SYT1: variants seen among roughly 807,000 people sequenced by gnomAD.
SYT1 encodes the protein synaptotagmin-1.
SYT1 carries 8 observed loss-of-function variants against 44.8 expected under a neutral mutation model. The observed-to-expected ratio is 0.18, with a 90% CI of 0.10 to 0.32. The LOEUF is 0.32. Among genes scored for constraint, SYT1 ranks in the 10% least tolerant of loss-of-function variants. The pLI is 1.00. For missense variants in SYT1, 286 were observed against 509.3 expected (o/e 0.56, Z 4.22); for synonymous variants, 154 against 188.8 (o/e 0.82, Z 1.51).
intron 4 of SYT1, among the ~76,000 whole-genome samples, chr12:79,267,584 C>T (rs1224591212): frequency 6.6e-6 from 1 of 152,194 alleles, no homozygotes; most frequent in African/African-American, 2.4e-5. Context: ...TCAAGAAAGA[C>T]ATACTGAAAA....
chr12:79,155,056 A>C (rs1870510154), intron 3 of SYT1, among the ~76,000 whole-genome samples: 1 of 152,198 alleles, frequency 6.6e-6, no homozygotes, highest in South Asian at 2.1e-4. Flanking sequence ...TATTTAGCTA[A>C]ATTTATGAGC....
At chr12:79,311,623 G>A (rs1197010747) in intron 8 of SYT1, among the ~76,000 whole-genome samples, 2 of 139,124 alleles carry the variant, frequency 1.4e-5, no homozygotes, top group Non-Finnish European at 3.1e-5. Flanking sequence ...CAACCCAAAT[G>A]TCCAACAATG....
At chr12:79,413,484 T>G (rs1345855011) in intron 9 of SYT1, among the ~76,000 whole-genome samples, 1 of 152,192 alleles carries the variant, frequency 6.6e-6, no homozygotes, top group Middle Eastern at 3.2e-3. Flanking sequence ...CCTTTAAATA[T>G]CTGATGTTGT....
intron 2 of SYT1, among the ~76,000 whole-genome samples, chr12:79,028,866 A>G (rs1872678115): frequency 6.6e-6 from 1 of 151,330 alleles, no homozygotes; most frequent in Admixed American, 6.6e-5. Context: ...AGAGCAATAG[A>G]ATAGTTGAAA....
chr12:79,394,166 G>A (rs1025640717), intron 9 of SYT1, among the ~76,000 whole-genome samples: 1 of 152,154 alleles, frequency 6.6e-6, no homozygotes, highest in Non-Finnish European at 1.5e-5. Context: ...CTTAAAATCA[G>A]ACAAATACAT....
chr12:79,080,627 T>C (rs568788163), intron 3 of SYT1, among the ~76,000 whole-genome samples: 1 of 152,240 alleles, frequency 6.6e-6, no homozygotes, highest in South Asian at 2.1e-4. Context: ...TTTTATAGGC[T>C]AAATATCACA....
intron 3 of SYT1, among the ~76,000 whole-genome samples, chr12:79,054,697 G>A (rs1178740472): frequency 1.3e-5 from 2 of 151,792 alleles, no homozygotes; most frequent in African/African-American, 4.8e-5. Context: ...AATAAATAAA[G>A]TATAGTCTCT....
chr12:78,982,030 G>T (rs1458715827), intron 2 of SYT1, among the ~76,000 whole-genome samples: 2 of 152,050 alleles, frequency 1.3e-5, no homozygotes, highest in African/African-American at 4.8e-5. Context: ...TTTTAAGGAG[G>T]TCTTAGCAGC....
At chr12:79,083,733 A>G (rs1284974055) in intron 3 of SYT1, among the ~76,000 whole-genome samples, 2 of 152,162 alleles carry the variant, frequency 1.3e-5, no homozygotes, top group African/African-American at 4.8e-5. Context: ...GAGATGTAAT[A>G]TACACCAACT....
At chr12:79,221,484 T>C (rs1385733421) in intron 4 of SYT1, among the ~76,000 whole-genome samples, 1 of 152,166 alleles carries the variant, frequency 6.6e-6, no homozygotes, top group Non-Finnish European at 1.5e-5. Flanking sequence ...TTTCTCTCTT[T>C]TCTCCCATGC....
intron 9 of SYT1, chr12:79,393,241 G>T (rs1236968894): frequency 1.3e-5 from 2 of 152,080 alleles, no homozygotes; most frequent in Non-Finnish European, 2.9e-5. Context: ...TCTTTGCTAT[G>T]GTGAATAGTG....
At chr12:79,248,955 T>G (rs187006971) in intron 4 of SYT1, among the ~76,000 whole-genome samples, 16 of 152,328 alleles carry the variant, frequency 1.1e-4, no homozygotes, top group Admixed American at 9.8e-4. Context: ...AAACTGATTT[T>G]ATTTCTCTGC....
intron 8 of SYT1, among the ~76,000 whole-genome samples, chr12:79,309,411 C>G (rs1055586899): frequency 1.3e-5 from 2 of 150,224 alleles, no homozygotes; most frequent in Non-Finnish European, 3.0e-5. Flanking sequence ...ATCTGATGAT[C>G]TCTTTGAGGC....
chr12:78,949,253 G>A (rs1048172945), intron 1 of SYT1, among the ~76,000 whole-genome samples: 12 of 151,446 alleles, frequency 7.9e-5, no homozygotes, highest in African/African-American at 2.9e-4. Flanking sequence ...TAGAAATATA[G>A]GACTCCCGTG....
chr12:79,412,083 T>G (rs1224120604), intron 9 of SYT1, among the ~76,000 whole-genome samples: 1 of 152,148 alleles, frequency 6.6e-6, no homozygotes, highest in African/African-American at 2.4e-5. Flanking sequence ...AAAGTACACT[T>G]GGAAGAGGGC....
chr12:78,947,503 G>A (rs1173096822), intron 1 of SYT1, among the ~76,000 whole-genome samples: 4 of 132,950 alleles, frequency 3.0e-5, no homozygotes, highest in African/African-American at 3.0e-5. Context: ...GACAGTGTCT[G>A]ACAAAAGGTT....
At chr12:78,894,571 G>T (rs1875249647) in intron 1 of SYT1, among the ~76,000 whole-genome samples, 1 of 151,334 alleles carries the variant, frequency 6.6e-6, no homozygotes, top group Non-Finnish European at 1.5e-5. Context: ...ACGATTAAAT[G>T]AAACAATGCA....
chr12:78,916,820 G>C (rs368766876), intron 1 of SYT1, among the ~76,000 whole-genome samples: 1 of 151,954 alleles, frequency 6.6e-6, no homozygotes, highest in African/African-American at 2.4e-5. Context: ...AGACAAAATT[G>C]AGAGGCAGGT....
At chr12:79,274,082 G>GA (rs1380534657) in intron 4 of SYT1, among the ~76,000 whole-genome samples, 2 of 152,110 alleles carry the variant, frequency 1.3e-5, no homozygotes, top group East Asian at 3.9e-4. Context: ...GACTCCGTCT[G>GA]AAAAAATAAA....
Sources: allele counts gnomAD v4.1 joint callset (sites outside exome capture counted in the v4.1 genomes callset), GRCh38; gene constraint gnomAD v4.1.1; transcripts MANE v1.5; gene names NCBI Gene and HGNC (gene_info 2026-07-23, HGNC 2026-07-21).